Variants in CAMTA1 observed in about 807,000 individuals in gnomAD.
CAMTA1 encodes calmodulin binding transcription activator 1, also known as calmodulin-binding transcription activator 1.
Under a neutral mutation model 170.9 loss-of-function variants are expected in CAMTA1, and 27 were observed. The ratio of observed to expected loss-of-function variants is 0.16; its 90% confidence interval spans 0.12 to 0.22. The LOEUF (loss-of-function observed/expected upper bound fraction) is 0.22, where lower values mean the gene tolerates loss of function less well. Ranked by LOEUF, CAMTA1 falls within the 10% of genes least tolerant of loss-of-function variation. CAMTA1 has a pLI of 1.00. For missense variants in CAMTA1, 1,619 were observed against 2,217.2 expected (o/e 0.73, Z 5.42); for synonymous variants, 833 against 891.5 (o/e 0.93, Z 1.17).
chr1:7,519,810 A>G (rs916420117), intron 6 of CAMTA1, among the ~76,000 whole-genome samples: 1 of 151,420 alleles, frequency 6.6e-6, no homozygotes, highest in African/African-American at 2.4e-5. Flanking sequence ...GGATGACTCA[A>G]ACCTGGTCAG....
At chr1:6,906,181 A>AATGCTCCTGGCATT (rs113884533) in intron 3 of CAMTA1, among the ~76,000 whole-genome samples, 1 of 151,844 alleles carries the variant, frequency 6.6e-6, no homozygotes, top group Non-Finnish European at 1.5e-5. Context: ...GTCATGTCAA[A>AATGCTCCTGGCATT]TGGTACTCCC....
At chr1:7,707,070 G>A (rs1439582115) in intron 11 of CAMTA1, among the ~76,000 whole-genome samples, 1 of 151,654 alleles carries the variant, frequency 6.6e-6, no homozygotes, top group Non-Finnish European at 1.5e-5. Context: ...TATTTTGGTG[G>A]AGATGGGGTT....
intron 3 of CAMTA1, 41 bp downstream of exon 3, chr1:6,825,251 G>T: frequency 8.6e-7 from 1 of 1,157,352 alleles, no homozygotes; most frequent in Non-Finnish European, 1.2e-6. Context: ...TTATTTTAAG[G>T]GCAAATTTTT....
At chr1:7,415,179 C>T (rs1487240314) in intron 5 of CAMTA1, among the ~76,000 whole-genome samples, 1 of 151,816 alleles carries the variant, frequency 6.6e-6, no homozygotes, top group Middle Eastern at 3.4e-3. Context: ...TTACTTCCAA[C>T]TATGTGGTCA....
chr1:7,627,378 G>A (rs896507696), intron 6 of CAMTA1, among the ~76,000 whole-genome samples: 7 of 152,178 alleles, frequency 4.6e-5, no homozygotes, highest in South Asian at 2.1e-4. Flanking sequence ...AGTTCCATAC[G>A]ATCCTAGGGA....
chr1:7,448,055 C>T (rs547667840), intron 5 of CAMTA1, among the ~76,000 whole-genome samples: 6 of 152,222 alleles, frequency 3.9e-5, no homozygotes, highest in African/African-American at 1.4e-4. Context: ...TGCTCCTCTG[C>T]GGCCGCTGTC....
chr1:7,153,365 G>C (rs1646686979), intron 4 of CAMTA1, among the ~76,000 whole-genome samples: 1 of 152,140 alleles, frequency 6.6e-6, no homozygotes, highest in Non-Finnish European at 1.5e-5. Flanking sequence ...TGAGGTCACT[G>C]TGTAAAAGGC....
chr1:7,754,703 G>A (rs781657725), intron 21 of CAMTA1, among the ~76,000 whole-genome samples: 4 of 152,050 alleles, frequency 2.6e-5, no homozygotes, highest in Non-Finnish European at 4.4e-5. Flanking sequence ...CATCAGATAC[G>A]GGCTCTGGAT....
intron 6 of CAMTA1, among the ~76,000 whole-genome samples, chr1:7,637,179 G>A (rs1402806667): frequency 6.6e-6 from 1 of 152,238 alleles, no homozygotes; most frequent in Non-Finnish European, 1.5e-5. Context: ...CTGTCTGCCT[G>A]CCCGCCACCT....
At chr1:7,527,566 G>C (rs1725227) in intron 6 of CAMTA1, among the ~76,000 whole-genome samples, 120,480 of 152,188 alleles carry the variant, frequency 0.79, 48,171 homozygotes, top group African/African-American at 0.9. Flanking sequence ...CCTGCAGAGG[G>C]GCTGGATGGG....
chr1:7,224,762 G>A lies in CAMTA1; in HGVS notation c.303-24729G>A, dbSNP rs1346786548. 1.3e-5 allele frequency among the ~76,000 whole-genome samples: 2 copies of A among 152,126 alleles called. No homozygotes were observed. The highest frequency in any genetic ancestry group is 4.8e-5 in the African/African-American group (2 of 41,426). On this transcript the variant is annotated intron_variant, in intron 4 of 22. Coordinates refer to ENST00000303635, the MANE Select transcript of CAMTA1 (RefSeq NM_015215.4). This position sits in a 1 kb window ranked among gnomAD's most constrained non-coding sequence, Gnocchi z 5.2. The stretch of plus-strand genomic sequence containing the variant: ...TGATGTGGGAGTGTTTGGTGGATAT[G>A]CCTCCCTGCCCCGCTCCCCAGGGCC...
chr1:7,515,511 G>A (rs558981719), intron 6 of CAMTA1, among the ~76,000 whole-genome samples: 116 of 152,288 alleles, frequency 7.6e-4, no homozygotes, highest in South Asian at 1.2e-3. Context: ...CCCAGTCAGG[G>A]GTGGCTGCAC....
intron 5 of CAMTA1, among the ~76,000 whole-genome samples, chr1:7,267,401 C>A (rs1388389426): frequency 6.6e-6 from 1 of 152,168 alleles, no homozygotes; most frequent in Non-Finnish European, 1.5e-5. Context: ...CATGGTGAGA[C>A]CTGTGCATTG....
chr1:7,521,721 G>A (rs1409708845), intron 6 of CAMTA1, among the ~76,000 whole-genome samples: 1 of 152,094 alleles, frequency 6.6e-6, no homozygotes, highest in Non-Finnish European at 1.5e-5. Context: ...GCTAATTTTT[G>A]TATTTTTAGT....
chr1:7,409,437 T>C (rs2090544293), intron 5 of CAMTA1, among the ~76,000 whole-genome samples: 1 of 152,122 alleles, frequency 6.6e-6, no homozygotes, highest in Admixed American at 6.5e-5. Context: ...CCCTTAGCCC[T>C]ACAGGCTGGT....
chr1:6,929,795 C>T (rs1684058606), intron 3 of CAMTA1, among the ~76,000 whole-genome samples: 1 of 152,234 alleles, frequency 6.6e-6, no homozygotes, highest in South Asian at 2.1e-4. Context: ...CTGTGCCCGG[C>T]CCTTAAAGGA....
rs148605282 is a variant in CAMTA1 at position 7,510,769 on chromosome 1, C to T, written c.510+42868C>T. Among the ~76,000 whole-genome samples the T allele has an allele frequency of 7.5e-5, 11 of 145,818 alleles. 2 individuals carry two copies. The highest frequency in any genetic ancestry group is 2.2e-4 in the African/African-American group (9 of 40,826). ...TTTACCCTACTGGGGACAGCAGGAC[C>T]TTTGTCCTCCTGCTCCAGGATGGCT... On this transcript the variant is annotated intron_variant, in intron 6 of 22. Transcript: ENST00000303635.
At chr1:7,324,144 C>G (rs897289348) in intron 5 of CAMTA1, among the ~76,000 whole-genome samples, 1 of 152,150 alleles carries the variant, frequency 6.6e-6, no homozygotes, top group African/African-American at 2.4e-5. Flanking sequence ...TGCTTCTGCT[C>G]TATGTTGCTT....
At chr1:6,930,021 G>A (rs1467178167) in intron 3 of CAMTA1, among the ~76,000 whole-genome samples, 6 of 152,232 alleles carry the variant, frequency 3.9e-5, no homozygotes, top group East Asian at 1.9e-4. Context: ...ATGCTGTGGC[G>A]GGACATGGTG....
Sources: gnomAD v4.1 joint callset for allele counts (sites outside exome capture counted in the v4.1 genomes callset) on GRCh38, gnomAD v4.1.1 for gene constraint, Gnocchi (gnomAD v3.1) non-coding constraint, MANE v1.5 for transcripts, NCBI Gene and HGNC (gene_info 2026-07-23, HGNC 2026-07-21) for gene names.